GLRA1: variants seen among roughly 807,000 people sequenced by gnomAD.
GLRA1 encodes glycine receptor alpha 1.
Under a neutral mutation model 48.3 loss-of-function variants are expected in GLRA1, and 37 were observed. The observed-to-expected ratio is 0.77, with a 90% CI of 0.59 to 1.01. The LOEUF is 1.01. Ranked by LOEUF, GLRA1 falls within the 50% of genes least tolerant of loss-of-function variation. GLRA1 has a pLI of 0.00. For synonymous variants in GLRA1, 196 were observed against 210.7 expected (o/e 0.93, Z 0.60); for missense variants, 427 against 571.0 (o/e 0.75, Z 2.57).
intron 3 of GLRA1, among the ~76,000 whole-genome samples, chr5:151,867,764 A>G (rs1753374404): frequency 6.6e-6 from 1 of 152,218 alleles, no homozygotes; most frequent in Non-Finnish European, 1.5e-5. Context: ...CTGATTACAT[A>G]AAGTTCAGGC....
intron 1 of GLRA1, among the ~76,000 whole-genome samples, chr5:151,917,803 T>C (rs536913465): frequency 4.6e-5 from 7 of 152,268 alleles, no homozygotes; most frequent in Non-Finnish European, 1.0e-4. Context: ...AGTGCAATTC[T>C]CTGGGGGTGA....
intron 7 of GLRA1, chr5:151,849,948 A>G: frequency 1.9e-6 from 3 of 1,576,374 alleles, no homozygotes; most frequent in African/African-American, 2.7e-5. Context: ...ACCTTCAGTA[A>G]GGACCCTACA....
At chr5:151,880,541 T>C (rs1197655743) in intron 3 of GLRA1, among the ~76,000 whole-genome samples, 6 of 152,228 alleles carry the variant, frequency 3.9e-5, no homozygotes, top group Non-Finnish European at 7.3e-5. Flanking sequence ...CTGGAACACA[T>C]GTTCTAATAA....
chr5:151,872,471 T>C (rs6869666), intron 3 of GLRA1, among the ~76,000 whole-genome samples: 25,553 of 149,688 alleles, frequency 0.17, 3,585 homozygotes, highest in East Asian at 0.66. Context: ...ATTGAAGCTT[T>C]TTTGGGAAGG....
In GLRA1 at chr5:151,892,312, T is replaced by C; in HGVS notation, c.183A>G (p.Lys61=). ...GTCTGGAAGGAATATTTTCTCTACC[T>C]TTAAAATTGGGCCTGATCCTGGCAT... ...GYDARIRPNF[K]GPPVNVSCNI... The change falls in exon 2 of 9, where the codon AAA becomes AAG. Residue 61 remains lysine, a splice_region_variant and synonymous_variant. Coordinates refer to ENST00000274576, the MANE Select transcript of GLRA1 (RefSeq NM_000171.4). 1.2e-6 allele frequency: 2 copies of C among 1,613,910 alleles called. No individual in the cohort carries two copies. Among genetic ancestry groups the C allele is most frequent in the Non-Finnish European group, 1.7e-6 (2 of 1,179,770 alleles).
intron 3 of GLRA1, among the ~76,000 whole-genome samples, chr5:151,869,105 A>T (rs962065140): frequency 9.6e-5 from 14 of 145,908 alleles, no homozygotes; most frequent in Admixed American, 6.2e-4. Flanking sequence ...CATTTGCTAA[A>T]TTTTTTTTTT....
intron 2 of GLRA1, among the ~76,000 whole-genome samples, chr5:151,888,299 T>C (rs1271100735): frequency 6.6e-6 from 1 of 152,242 alleles, no homozygotes; most frequent in Non-Finnish European, 1.5e-5. Context: ...AGTCTTGGGA[T>C]GAGAAACTAG....
chr5:151,833,796 C>CAAAAAAA (rs757336792), intron 7 of GLRA1, among the ~76,000 whole-genome samples: 2,331 of 64,392 alleles, frequency 0.036, 136 homozygotes, highest in Non-Finnish European at 0.04. Context: ...AAGTGGAAAG[C>CAAAAAAA]AAAAAAAAAA....
chr5:151,917,781 A>G (rs1162985845), intron 1 of GLRA1, among the ~76,000 whole-genome samples: 1 of 152,090 alleles, frequency 6.6e-6, no homozygotes, highest in African/African-American at 2.4e-5. Flanking sequence ...TACTCAAGAC[A>G]CTCTGAAGGA....
intron 1 of GLRA1, among the ~76,000 whole-genome samples, chr5:151,895,033 A>G (rs1220334376): frequency 6.6e-6 from 1 of 152,116 alleles, no homozygotes; most frequent in Non-Finnish European, 1.5e-5. Context: ...AGTTTGTGTG[A>G]TGTGGGTGGG....
intron 8 of GLRA1, among the ~76,000 whole-genome samples, chr5:151,824,602 GAACAC>G (rs1349765100): frequency 6.6e-6 from 1 of 152,060 alleles, no homozygotes; most frequent in African/African-American, 2.4e-5. Flanking sequence ...TCCCTGCCTA[GAACAC>G]ACTCTGAACC....
intron 1 of GLRA1, among the ~76,000 whole-genome samples, chr5:151,909,710 C>G (rs1039969040): frequency 6.6e-6 from 1 of 152,010 alleles, no homozygotes; most frequent in Non-Finnish European, 1.5e-5. Flanking sequence ...ATCTTGTAGA[C>G]TATTGGTGTA....
At chr5:151,844,828 G>GA (rs1325077256) in intron 7 of GLRA1, among the ~76,000 whole-genome samples, 1 of 151,716 alleles carries the variant, frequency 6.6e-6, no homozygotes, top group Non-Finnish European at 1.5e-5. Flanking sequence ...AATTTATAAA[G>GA]AAAAAATGGT....
At position 151,892,358 on chromosome 5, in the gene GLRA1, A is replaced by G. The variant is rs760494525; in HGVS notation, c.137T>C (p.Met46Thr). The G allele has an allele frequency of 1.9e-6, 3 of 1,614,008 alleles. No homozygotes were observed. Among genetic ancestry groups the G allele is most frequent in the South Asian group, 1.1e-5 (1 of 91,082 alleles). Reference sequence around the variant, plus strand: ...GGCATCATATCCGGAGGTTCTCCCCATTAGCTTATCCAGGAAATCCGAGGG... The same window carrying G: ...GGCATCATATCCGGAGGTTCTCCCCGTTAGCTTATCCAGGAAATCCGAGGG... The part of the protein sequence containing the change: ...MSPSDFLDKL[M>T]GRTSGYDARI... Residue 46 changes from methionine (M) to threonine (T), a missense_variant, in exon 2 of 9, where the codon ATG becomes ACG. Around this residue, in one of 4 missense-constraint regions of GLRA1, gnomAD observed 271 missense variants for 434.9 expected, o/e 0.62. Coordinates refer to ENST00000274576, the MANE Select transcript of GLRA1 (RefSeq NM_000171.4).
At chr5:151,892,649 G>A (rs1394210586) in intron 1 of GLRA1, among the ~76,000 whole-genome samples, 1 of 152,220 alleles carries the variant, frequency 6.6e-6, no homozygotes, top group Non-Finnish European at 1.5e-5. Context: ...AGGCAGCCAA[G>A]TGTCTGATTG....
intron 8 of GLRA1, among the ~76,000 whole-genome samples, chr5:151,823,659 A>G (rs2113279107): frequency 6.6e-6 from 1 of 152,292 alleles, no homozygotes; most frequent in East Asian, 1.9e-4. Context: ...ATTTTTACTA[A>G]GTTTTCATTC....
At chr5:151,891,577 G>A (rs1398107156) in intron 2 of GLRA1, among the ~76,000 whole-genome samples, 1 of 152,148 alleles carries the variant, frequency 6.6e-6, no homozygotes, top group Admixed American at 6.5e-5. Context: ...CCCCTGTAGA[G>A]GAGCCTGTAC....
intron 3 of GLRA1, among the ~76,000 whole-genome samples, chr5:151,870,960 G>A (rs1753466675): frequency 6.7e-6 from 1 of 149,820 alleles, no homozygotes; most frequent in African/African-American, 2.6e-5. Flanking sequence ...TCAGTCATTC[G>A]TGGGTTTGAC....
chr5:151,890,644 A>T (rs755930867), intron 2 of GLRA1, among the ~76,000 whole-genome samples: 59 of 152,350 alleles, frequency 3.9e-4, no homozygotes, highest in South Asian at 1.2e-3. Context: ...CCTGCCTAAC[A>T]GCCATCAACA....
Sources: gnomAD v4.1 joint callset for allele counts (sites outside exome capture counted in the v4.1 genomes callset) on GRCh38, gnomAD v4.1.1 for gene constraint, gnomAD v4.1.1 regional missense constraint, MANE v1.5 for transcripts, NCBI Gene and HGNC (gene_info 2026-07-23, HGNC 2026-07-21) for gene names.